ENKUR: variants seen among roughly 807,000 people sequenced by gnomAD.
ENKUR encodes enkurin, TRPC channel interacting protein.
Under a neutral mutation model 27.6 loss-of-function variants are expected in ENKUR, and 19 were observed. That is an observed-to-expected ratio of 0.69 (90% CI 0.48 to 1.01). The LOEUF (loss-of-function observed/expected upper bound fraction) is 1.01. Ranked by LOEUF, ENKUR falls within the 50% of genes least tolerant of loss-of-function variation. ENKUR has a pLI of 0.00. For missense variants in ENKUR, 312 were observed against 310.5 expected, an observed-to-expected ratio of 1.00 and a Z score of -0.04; for synonymous variants, 117 against 96.9, an observed-to-expected ratio of 1.21 and a Z score of -1.22.
chr10:25,043,453 T>A (rs1009254280), intron 2 of ENKUR, among the ~76,000 whole-genome samples: 1 of 152,186 alleles, frequency 6.6e-6, no homozygotes, highest in East Asian at 1.9e-4. Flanking sequence ...CCATCCTTGT[T>A]CCTGTGTATA....
At chr10:25,024,687 T>A in intron 2 of ENKUR, 5 of 1,614,256 alleles carry the variant, frequency 3.1e-6, no homozygotes, top group Non-Finnish European at 3.4e-6. Flanking sequence ...CCGCATATCT[T>A]GATCTTGTTA....
rs757180646 is a variant in ENKUR, at chr10:25,024,826, A to C, written c.38-28957T>G. 4.3e-6 allele frequency: 7 copies of C among 1,614,068 alleles called. No homozygotes were observed. In the East Asian group the frequency reaches 1.6e-4, roughly 36 times the overall value. ...GATTCGAAAATTTATCTGTGCCTCT[A>C]ATCAGAACCATGTTTTGACTGATTT... On this transcript the variant is annotated intron_variant, in intron 2 of 5. Transcript: ENST00000615958.
chr10:25,020,350 A>T (rs975390943), upstream of ENKUR, among the ~76,000 whole-genome samples: 1 of 152,092 alleles, frequency 6.6e-6, no homozygotes, highest in Non-Finnish European at 1.5e-5. Context: ...AGGGGAACTA[A>T]CATATAGGAA....
intron 4 of ENKUR, among the ~76,000 whole-genome samples, chr10:24,990,166 T>C (rs2132674152): frequency 6.6e-6 from 1 of 152,352 alleles, no homozygotes; most frequent in East Asian, 1.9e-4. Context: ...ATGCTTTATT[T>C]GCTTCATTTC....
At chr10:25,024,691 C>G in intron 2 of ENKUR, 1 of 1,614,190 alleles carries the variant, frequency 6.2e-7, no homozygotes. Context: ...ATATCTTGAT[C>G]TTGTTAGTCA....
At chr10:25,006,441 G>C (rs1255886191) in intron 1 of ENKUR, among the ~76,000 whole-genome samples, 1 of 151,836 alleles carries the variant, frequency 6.6e-6, no homozygotes, top group Non-Finnish European at 1.5e-5. Context: ...ATATGACTTA[G>C]AGTGTAATTG....
At chr10:24,989,804 A>G (rs999392840) in intron 4 of ENKUR, among the ~76,000 whole-genome samples, 1 of 152,202 alleles carries the variant, frequency 6.6e-6, no homozygotes, top group Non-Finnish European at 1.5e-5. Flanking sequence ...TTCTGCCTCT[A>G]TAAGAGACAG....
At chr10:25,023,641 G>A (rs1229368067) in intron 2 of ENKUR, 5 of 1,614,040 alleles carry the variant, frequency 3.1e-6, no homozygotes, top group Non-Finnish European at 4.2e-6. Context: ...AATGCATGAT[G>A]CTAGCATGTG....
intron 2 of ENKUR, among the ~76,000 whole-genome samples, chr10:25,037,078 G>C (rs1270594632): frequency 6.6e-6 from 1 of 152,232 alleles, no homozygotes; most frequent in East Asian, 1.9e-4. Flanking sequence ...GGCATGTGCT[G>C]TTCACTTTGC....
intron 5 of ENKUR, 117 bp from the exon 6 acceptor site, chr10:24,984,493 T>C: frequency 7.7e-7 from 1 of 1,293,592 alleles, no homozygotes; most frequent in South Asian, 1.5e-5. Context: ...ATTGTGGAAC[T>C]GGAACACATA....
At chr10:24,988,062 A>T (rs1252271938) in intron 4 of ENKUR, among the ~76,000 whole-genome samples, 2 of 151,618 alleles carry the variant, frequency 1.3e-5, no homozygotes, top group African/African-American at 4.9e-5. Flanking sequence ...CTTTACTAAA[A>T]AATACAAAAA....
intron 2 of ENKUR, among the ~76,000 whole-genome samples, chr10:25,045,836 A>T (rs1160201257): frequency 6.6e-6 from 1 of 152,220 alleles, no homozygotes; most frequent in Non-Finnish European, 1.5e-5. Context: ...GGGCAGAACC[A>T]GTTGTCCTAT....
upstream of ENKUR, among the ~76,000 whole-genome samples, chr10:25,020,871 G>A (rs996719843): frequency 6.6e-6 from 1 of 152,120 alleles, no homozygotes; most frequent in Non-Finnish European, 1.5e-5. Flanking sequence ...ACAAGCAAAA[G>A]CTTCCTGAAT....
In ENKUR at chr10:24,984,614, G is replaced by C. The variant is rs535118362; in HGVS notation, c.764+122C>G. ...TCTTTGCATATTGCCTAAGCATTCT[G>C]ATTAAGACTATTTTTATTCTCTTCA... On this transcript the variant is annotated intron_variant, in intron 5 of 5. Coordinates refer to ENST00000331161, the MANE Select transcript of ENKUR (RefSeq NM_145010.4). The C allele has an allele frequency of 2.7e-4, 297 of 1,085,560 alleles. 3 individuals carry two copies. In the Middle Eastern group the frequency reaches 3.4e-3, roughly 12 times the overall value. The allele number at this position is 1,085,560 out of a possible 1,614,324, so 67.2% of individuals were successfully genotyped here. A position where few individuals can be genotyped will look rare whatever the true frequency, so the allele number is the denominator to read the frequency against.
chr10:24,984,159 T>C lies in ENKUR; in HGVS notation c.*211A>G. ...TCTTCTTAATTTTTCTTCCTCCAAA[T>C]AGAAGCCTTTCATCATATACAGTGT... is the stretch of plus-strand genomic sequence containing the variant. On this transcript the variant is annotated 3_prime_UTR_variant, in exon 6 of 6. Transcript: ENST00000331161. The C allele has an allele frequency of 2.2e-6, 1 of 447,496 alleles. No individual in the cohort carries two copies. Among genetic ancestry groups the C allele is most frequent in the South Asian group, 9.3e-5 (1 of 10,792 alleles). 27.7% of individuals were successfully genotyped at this position (447,496 alleles called of 1,614,324 possible).
intron 3 of ENKUR, among the ~76,000 whole-genome samples, chr10:24,991,618 C>A (rs757581031): frequency 2.0e-4 from 30 of 152,172 alleles, no homozygotes; most frequent in Non-Finnish European, 4.1e-4. Context: ...AGCTGCCCGG[C>A]TCCAGGGAAA....
At position 24,990,545 on chromosome 10, in the gene ENKUR, T is replaced by C. The variant is rs768384727; in HGVS notation, c.512A>G (p.Asp171Gly). The C allele has an allele frequency of 6.2e-7, 1 of 1,614,016 alleles. No individual in the cohort carries two copies. The highest frequency in any genetic ancestry group is 8.5e-7 in the Non-Finnish European group (1 of 1,180,004). Residue 171 changes from aspartate to glycine, a missense_variant, in exon 4 of 6, where the codon GAC becomes GGC. Coordinates refer to ENST00000331161, the MANE Select transcript of ENKUR (RefSeq NM_145010.4). ...GTTTTCCTGGATATAACGATCATAG[T>C]CTTCTTGGGCTTTCTTTATTTCCTC... ...RNEEIKKAQE[D>G]YDRYIQENLK...
intron 2 of ENKUR, among the ~76,000 whole-genome samples, chr10:25,039,336 T>C (rs1416341438): frequency 6.6e-6 from 1 of 152,150 alleles, no homozygotes; most frequent in African/African-American, 2.4e-5. Flanking sequence ...TCACAGCAGC[T>C]TGGGAGACTG....
At chr10:25,028,166 G>A (rs1460745800) in intron 2 of ENKUR, among the ~76,000 whole-genome samples, 1 of 152,184 alleles carries the variant, frequency 6.6e-6, no homozygotes, top group Non-Finnish European at 1.5e-5. Flanking sequence ...AAGATGAAAT[G>A]CCCAAGGGTT....
Sources: gnomAD v4.1 joint callset for allele counts (sites outside exome capture counted in the v4.1 genomes callset) on GRCh38, gnomAD v4.1.1 for gene constraint, MANE v1.5 for transcripts, NCBI Gene and HGNC (gene_info 2026-07-23, HGNC 2026-07-21) for gene names.